The following TGFBR1 variants were observed in gnomAD, a reference collection of about 807,000 sequenced individuals.
TGFBR1 encodes the protein TGF-beta receptor type-1.
TGFBR1 carries 20 observed loss-of-function variants against 55.1 expected under a neutral mutation model. The ratio of observed to expected loss-of-function variants is 0.36; its 90% CI spans 0.26 to 0.53. The LOEUF (loss-of-function observed/expected upper bound fraction) is 0.53. Ranked by LOEUF, TGFBR1 falls within the 20% of genes least tolerant of loss-of-function variation. The probability of loss-of-function intolerance (pLI) is 0.91; values close to 1 mark genes in which losing one functional copy is unlikely to be tolerated. For missense variants in TGFBR1, 385 were observed against 617.6 expected, an observed-to-expected ratio of 0.62 and a Z score of 3.99; for synonymous variants, 220 against 214.8, an observed-to-expected ratio of 1.02 and a Z score of -0.21.
chr9:99,134,802 TTATATATATATATATATATATATATATA>T lies in TGFBR1; in HGVS notation c.574+2087_574+2114del, dbSNP rs10625219. Among the ~76,000 whole-genome samples, 64 of 41,366 alleles carry T rather than the reference TTATATATATATATATATATATATATATA, an allele frequency of 1.5e-3. 2 individuals carry two copies. In the South Asian group the frequency reaches 0.021, roughly 13 times the overall value. The allele number at this position is 41,366 out of a possible 152,430, so 27.1% of individuals were successfully genotyped here. ...AAACAATGGAATAATTCTGTTTCCA[TTATATATATATATATATATATATATATA>T]TATATATATATATATATATATATTT... On this transcript the variant is annotated intron_variant, in intron 3 of 8. Transcript: ENST00000374994.
At chr9:99,133,929 G>T (rs1413997375) in intron 3 of TGFBR1, among the ~76,000 whole-genome samples, 1 of 151,658 alleles carries the variant, frequency 6.6e-6, no homozygotes, top group African/African-American at 2.4e-5. Context: ...ACCTGAACCT[G>T]GGGGGTGGAG....
chr9:99,118,643 CTT>C (rs749441442), intron 1 of TGFBR1, among the ~76,000 whole-genome samples: 18 of 129,714 alleles, frequency 1.4e-4, no homozygotes, highest in Admixed American at 2.3e-4. Context: ...TGTTTTCTTT[CTT>C]TTTTTTTTTT....
At chr9:99,107,384 C>A (rs950319288) in intron 1 of TGFBR1, among the ~76,000 whole-genome samples, 2 of 152,234 alleles carry the variant, frequency 1.3e-5, no homozygotes, top group African/African-American at 4.8e-5. Context: ...ATAGGTTTCT[C>A]TAGGGAAATT....
At position 99,132,713 on chromosome 9, in the gene TGFBR1, A is replaced by G. The variant is rs1170480760; in HGVS notation, c.548A>G (p.Asp183Gly). The change falls in exon 3 of 9, where the codon GAT (aspartate) becomes GGT (glycine). Residue 183 changes from aspartate (D) to glycine (G), a missense_variant. Physicochemically the swap from Asp to Gly is moderately conservative, Grantham distance 94. This residue lies in a region of TGFBR1 where 146 missense variants were observed against 167.7 expected (regional missense o/e 0.87). Coordinates refer to ENST00000374994, the MANE Select transcript of TGFBR1 (RefSeq NM_004612.4). ...EGTTLKDLIY[D>G]MTTSGSGSGL... ...ACTACGTTGAAAGACTTAATTTATG[A>G]TATGACAACGTCAGGTTCTGGCTCA... The G allele has an allele frequency of 6.2e-7, 1 of 1,614,050 alleles. No homozygotes were observed. The highest frequency in any genetic ancestry group is 8.5e-7 in the Non-Finnish European group (1 of 1,180,020).
rs557734919 is a variant in TGFBR1 at position 99,118,975 on chromosome 9, A to T, written c.98-9880A>T. ...ATCTGTGCACTTTGCATCATCATTT[A>T]TCAGTGGTGTGTTCTCTGCATTGTG... On this transcript the variant is annotated intron_variant, in intron 1 of 8. Coordinates refer to ENST00000374994, the MANE Select transcript of TGFBR1 (RefSeq NM_004612.4). 8.0e-4 allele frequency among the ~76,000 whole-genome samples: 121 copies of T among 152,180 alleles called. 1 individual carries two copies. Among genetic ancestry groups the T allele is most frequent in the Middle Eastern group, 3.4e-3 (1 of 294 alleles).
chr9:99,136,722 G>A (rs1207362931), intron 3 of TGFBR1, among the ~76,000 whole-genome samples: 1 of 152,010 alleles, frequency 6.6e-6, no homozygotes, highest in African/African-American at 2.4e-5. Flanking sequence ...GCTTCTGATC[G>A]CTTTAAAGAT....
chr9:99,149,103 T>C, intron 8 of TGFBR1, 77 bp from the exon 9 acceptor site: 1 of 1,474,318 alleles, frequency 6.8e-7, no homozygotes, highest in Non-Finnish European at 9.2e-7. Context: ...AAAAAGAAAA[T>C]TTACACGTAA....
intron 1 of TGFBR1, among the ~76,000 whole-genome samples, chr9:99,105,835 C>T (rs905673333): frequency 6.6e-6 from 1 of 152,164 alleles, no homozygotes; most frequent in African/African-American, 2.4e-5. Context: ...GCCTCTAGGG[C>T]TTCGTCCAGT....
rs746141820 is a variant in TGFBR1, at chr9:99,129,010, G to T, written c.253G>T (p.Val85Leu). ...CTTAATTCCTCGAGATAGGCCGTTT[G>T]TATGTGCACCCTCTTCAAAAACTGG... ...IDLIPRDRPF[V>L]CAPSSKTGSV... Residue 85 changes from valine (V) to leucine (L), a missense_variant, in exon 2 of 9, where the codon GTA (valine) becomes TTA (leucine). Around this residue, in one of 5 missense-constraint regions of TGFBR1, gnomAD observed 146 missense variants for 167.7 expected, o/e 0.87. Transcript: ENST00000374994. 6.2e-7 allele frequency: 1 copy of T among 1,613,998 alleles called. No individual in the cohort carries two copies. Among genetic ancestry groups the T allele is most frequent in the Non-Finnish European group, 8.5e-7 (1 of 1,179,954 alleles).
chr9:99,152,768 G>C lies in TGFBR1; in HGVS notation c.*3463G>C, dbSNP rs1382577032. 4.4e-6 allele frequency: 1 copy of C among 229,742 alleles called. No individual in the cohort carries two copies. Among genetic ancestry groups the C allele is most frequent in the East Asian group, 6.2e-5 (1 of 16,202 alleles). The allele number at this position is 229,742 out of a possible 1,614,324, so 14.2% of individuals were successfully genotyped here. ...GTTAACACTTTGGCAGAAAATGCCA[G>C]CTCAGATATTTTGAGATACTAAGGA... On this transcript the variant is annotated 3_prime_UTR_variant, in exon 9 of 9. Coordinates refer to ENST00000374994, the MANE Select transcript of TGFBR1 (RefSeq NM_004612.4).
intron 1 of TGFBR1, chr9:99,127,934 AAT>A (rs1280287405): frequency 1.3e-5 from 6 of 455,938 alleles, no homozygotes; most frequent in Non-Finnish European, 2.6e-5. Flanking sequence ...AGAAATGACT[AAT>A]ACAGGTATCT....
chr9:99,134,802 T>TATA (rs1554700024), intron 3 of TGFBR1, among the ~76,000 whole-genome samples: 10 of 41,368 alleles, frequency 2.4e-4, no homozygotes, highest in African/African-American at 1.2e-3. Flanking sequence ...TCTGTTTCCA[T>TATA]TATATATATA....
chr9:99,105,191 G>C lies in TGFBR1; in HGVS notation c.-15G>C, dbSNP rs1192805598. 9.2e-7 allele frequency: 1 copy of C among 1,085,136 alleles called. No individual in the cohort carries two copies. The highest frequency in any genetic ancestry group is 1.7e-5 in the African/African-American group (1 of 59,566). The allele number at this position is 1,085,136 out of a possible 1,614,324, so 67.2% of individuals were successfully genotyped here. A position where few individuals can be genotyped will look rare whatever the true frequency, so the allele number is the denominator to read the frequency against. On this transcript the variant is annotated 5_prime_UTR_variant, in exon 1 of 9. Transcript: ENST00000374994. ...GGCCGGGCCGGGCCGGGCCACAGGC[G>C]GTGGCGGCGGGACCATGGAGGCGGC...
chr9:99,139,405 C>CT (rs531263256), intron 4 of TGFBR1, among the ~76,000 whole-genome samples: 8 of 151,794 alleles, frequency 5.3e-5, no homozygotes, highest in Non-Finnish European at 1.0e-4. Context: ...GCATGTACTG[C>CT]TTTTTTTTGT....
intron 8 of TGFBR1, 34 bp from the exon 9 acceptor site, chr9:99,149,146 A>G: frequency 6.4e-7 from 1 of 1,554,448 alleles, no homozygotes. Flanking sequence ...AAAATGGTGC[A>G]TGCATTAATT....
chr9:99,112,467 TTTATTTACTTATCATATGTAC>T (rs1826615519), intron 1 of TGFBR1, among the ~76,000 whole-genome samples: 1 of 152,248 alleles, frequency 6.6e-6, no homozygotes, highest in Non-Finnish European at 1.5e-5. Flanking sequence ...ACATACTGTA[TTTATTTACTTATCATATGTAC>T]TTATTTACTG....
At chr9:99,146,345 A>T in intron 6 of TGFBR1, 140 bp from the exon 7 acceptor site, 1 of 1,019,196 alleles carries the variant, frequency 9.8e-7, no homozygotes, top group Non-Finnish European at 1.5e-6. Context: ...GTGGATATTT[A>T]ATATTTTTCT....
In TGFBR1 at chr9:99,151,232, AC is replaced by A. The variant is rs1827970783; in HGVS notation, c.*1928del. On this transcript the variant is annotated 3_prime_UTR_variant, in exon 9 of 9. Transcript: ENST00000374994. ...ATCATGGGAAAAATGCTTAGAGGTT[AC>A]TATTTTGACTACAAAGTTGAGTTTT... is the stretch of plus-strand genomic sequence containing the variant. 1 of 231,610 alleles carries A rather than the reference AC, an allele frequency of 4.3e-6. No homozygotes were observed. The highest frequency in any genetic ancestry group is 8.5e-6 in the Non-Finnish European group (1 of 117,094). The allele number at this position is 231,610 out of a possible 1,614,324, so 14.3% of individuals were successfully genotyped here. A position where few individuals can be genotyped will look rare whatever the true frequency, so the allele number is the denominator to read the frequency against.
chr9:99,128,531 T>C (rs1333754390), intron 1 of TGFBR1: 1 of 398,920 alleles, frequency 2.5e-6, no homozygotes, highest in East Asian at 6.1e-5. Flanking sequence ...ATGTACTTTG[T>C]TTCTAATGGG....
Sources: allele counts gnomAD v4.1 joint callset (sites outside exome capture counted in the v4.1 genomes callset), GRCh38; gene constraint gnomAD v4.1.1; regional missense constraint gnomAD v4.1.1; transcripts MANE v1.5; gene names NCBI Gene and HGNC (gene_info 2026-07-23, HGNC 2026-07-21).